The following CSMD1 variants were observed in gnomAD, a reference collection of about 807,000 sequenced individuals.
CSMD1 encodes the protein CUB and Sushi multiple domains 1.
CSMD1 carries 213 observed loss-of-function variants against 417.5 expected under a neutral mutation model. The observed-to-expected ratio is 0.51, with a 90% confidence interval of 0.46 to 0.57. The LOEUF is 0.57. Ranked by LOEUF, CSMD1 falls within the 20% of genes least tolerant of loss-of-function variation. The pLI is 0.00. For missense variants in CSMD1, 6,923 were observed against 4,529.7 expected (o/e 1.53, Z -15.17); for synonymous variants, 2,862 against 1,736.8 (o/e 1.65, Z -16.11).
At chr8:4,209,430 C>G (rs367832920) in intron 3 of CSMD1, among the ~76,000 whole-genome samples, 56 of 152,266 alleles carry the variant, frequency 3.7e-4, no homozygotes, top group Admixed American at 1.3e-3. Context: ...GAGGTGTGAA[C>G]TCCTCATCAA....
chr8:4,316,013 T>A (rs1462919392), intron 3 of CSMD1, among the ~76,000 whole-genome samples: 1 of 152,166 alleles, frequency 6.6e-6, no homozygotes, highest in Non-Finnish European at 1.5e-5. Flanking sequence ...CTTTAAATAT[T>A]CAGGCATTAT....
At chr8:4,407,157 A>T (rs1158862777) in intron 3 of CSMD1, among the ~76,000 whole-genome samples, 2 of 152,078 alleles carry the variant, frequency 1.3e-5, no homozygotes, top group African/African-American at 4.8e-5. Flanking sequence ...CAAAAGAGTA[A>T]CTCTGGCCCT....
intron 5 of CSMD1, among the ~76,000 whole-genome samples, chr8:3,958,126 G>C (rs951681090): frequency 6.6e-6 from 1 of 152,092 alleles, no homozygotes; most frequent in African/African-American, 2.4e-5. Flanking sequence ...TGTTAATGAA[G>C]CTGCCAAAGT....
At chr8:4,609,215 G>T (rs1308475857) in intron 2 of CSMD1, among the ~76,000 whole-genome samples, 1 of 152,102 alleles carries the variant, frequency 6.6e-6, no homozygotes, top group Non-Finnish European at 1.5e-5. Flanking sequence ...GCCTGGACAA[G>T]ATGGTGAAAC....
At chr8:3,273,059 G>A (rs1801988522) in intron 26 of CSMD1, among the ~76,000 whole-genome samples, 1 of 152,064 alleles carries the variant, frequency 6.6e-6, no homozygotes, top group African/African-American at 2.4e-5. Flanking sequence ...TATGATATTG[G>A]CTGTGGGTTT....
At chr8:3,935,606 C>T (rs1035259771) in intron 5 of CSMD1, among the ~76,000 whole-genome samples, 1 of 152,080 alleles carries the variant, frequency 6.6e-6, no homozygotes, top group African/African-American at 2.4e-5. Flanking sequence ...TTTGTTGTAA[C>T]TATTGTAATT....
Position 3,166,875 on chromosome 8 carries a change from A to G in CSMD1, c.5726-4598T>C, listed in dbSNP as rs76122610. ...TATCTGGGAAAAAGTAAGCTGTCTT[A>G]TTGTTTAGGAAAATTTTCAAGAGAA... On this transcript the variant is annotated intron_variant, in intron 37 of 69. Transcript: ENST00000635120. 7.2e-3 allele frequency among the ~76,000 whole-genome samples: 1,090 copies of G among 152,338 alleles called. 13 individuals are homozygous for G. Among genetic ancestry groups the G allele is most frequent in the African/African-American group, 0.025 (1,038 of 41,578 alleles).
chr8:4,128,017 C>T (rs374447361), intron 3 of CSMD1, among the ~76,000 whole-genome samples: 1 of 152,116 alleles, frequency 6.6e-6, no homozygotes, highest in Non-Finnish European at 1.5e-5. Flanking sequence ...TGAGCAAGTA[C>T]CACATTTTAT....
intron 4 of CSMD1, among the ~76,000 whole-genome samples, chr8:4,030,973 C>G (rs1585167009): frequency 6.6e-6 from 1 of 152,260 alleles, no homozygotes; most frequent in South Asian, 2.1e-4. Flanking sequence ...ACCTTTGGTC[C>G]AGTTATGAAC....
chr8:4,371,154 G>C (rs565738386), intron 3 of CSMD1, among the ~76,000 whole-genome samples: 117 of 152,216 alleles, frequency 7.7e-4, no homozygotes, highest in Non-Finnish European at 1.5e-3. Context: ...GTTGGGTATA[G>C]CTGAATGACT....
chr8:3,676,631 G>C (rs1281342227), intron 7 of CSMD1, among the ~76,000 whole-genome samples: 3 of 152,138 alleles, frequency 2.0e-5, no homozygotes, highest in Non-Finnish European at 4.4e-5. Context: ...CTTGTGTGTT[G>C]TGGGACCACG....
Position 3,754,033 on chromosome 8 carries a change from G to T in CSMD1, c.828C>A (p.Gly276=), listed in dbSNP as rs772437040. ...GTEAPSIWLT[G]MNLPSPVISS... is the part of the protein sequence containing the mutation. ...TGATAACTGGAGAGGGGAGGTTCAT[G>T]CCAGTTAGCCTAGAGAAGAGAAAGA... Residue 276 remains glycine (G), a synonymous_variant, in exon 6 of 70, where the codon GGC becomes GGA. Transcript: ENST00000635120. 6.2e-7 allele frequency: 1 copy of T among 1,610,826 alleles called. No individual in the cohort carries two copies. The highest frequency in any genetic ancestry group is 8.5e-7 in the Non-Finnish European group (1 of 1,177,594).
intron 1 of CSMD1, among the ~76,000 whole-genome samples, chr8:4,738,676 A>C (rs1810401609): frequency 6.6e-6 from 1 of 152,164 alleles, no homozygotes; most frequent in Non-Finnish European, 1.5e-5. Context: ...ACAAAGTAAA[A>C]AAAATCAGTA....
In CSMD1 at chr8:3,783,988, G is replaced by C. The variant is rs565496882; in HGVS notation, c.819-29946C>G. Among the ~76,000 whole-genome samples the C allele has an allele frequency of 2.0e-4, 31 of 152,306 alleles. 1 individual carries two copies. The South Asian group carries it at 6.4e-3, about 32-fold the overall frequency. Reference sequence around the variant, plus strand: ...TGGGCAAATTACTTCCTCTTCTGGTGCCTGACCTTTCTTATTTGCAAAATG... The same window carrying C: ...TGGGCAAATTACTTCCTCTTCTGGTCCCTGACCTTTCTTATTTGCAAAATG... On this transcript the variant is annotated intron_variant, in intron 5 of 69. Coordinates refer to ENST00000635120, the MANE Select transcript of CSMD1 (RefSeq NM_033225.6).
chr8:4,033,571 G>C (rs1026809076), intron 3 of CSMD1, among the ~76,000 whole-genome samples: 6 of 152,172 alleles, frequency 3.9e-5, no homozygotes. Flanking sequence ...GATGTCTTAT[G>C]TCTCCCTACA....
intron 2 of CSMD1, among the ~76,000 whole-genome samples, chr8:4,426,507 A>T (rs958866335): frequency 2.7e-5 from 4 of 147,750 alleles, no homozygotes; most frequent in African/African-American, 9.8e-5. Flanking sequence ...GTTTTTATAT[A>T]TTTTATAAAG....
At chr8:4,084,187 G>T (rs113950449) in intron 3 of CSMD1, among the ~76,000 whole-genome samples, 6,924 of 152,112 alleles carry the variant, frequency 0.046, 230 homozygotes, top group Non-Finnish European at 0.068. Flanking sequence ...ATTTTAAAAT[G>T]TATTTTTTCC....
intron 3 of CSMD1, among the ~76,000 whole-genome samples, chr8:4,404,750 G>A (rs1245063366): frequency 3.3e-5 from 5 of 151,286 alleles, no homozygotes; most frequent in East Asian, 3.9e-4. Flanking sequence ...TATTTGGATG[G>A]CACATATAAA....
chr8:4,262,233 G>C (rs1041468077), intron 3 of CSMD1, among the ~76,000 whole-genome samples: 3 of 152,184 alleles, frequency 2.0e-5, no homozygotes, highest in Admixed American at 2.0e-4. Flanking sequence ...TTGGATCTGA[G>C]AGTGAAACTC....
Sources: gnomAD v4.1 joint callset for allele counts (sites outside exome capture counted in the v4.1 genomes callset) on GRCh38, gnomAD v4.1.1 for gene constraint, MANE v1.5 for transcripts, NCBI Gene and HGNC (gene_info 2026-07-23, HGNC 2026-07-21) for gene names.